ITPK1: variants seen among roughly 807,000 people sequenced by gnomAD.
ITPK1 encodes the protein inositol-tetrakisphosphate 1-kinase, also known as inositol 1,3,4-trisphosphate 5/6-kinase.
In ITPK1, 21 loss-of-function variants were observed where a neutral mutation model predicts 45.3. That is an observed-to-expected ratio of 0.46 (90% confidence interval 0.33 to 0.67). The LOEUF (loss-of-function observed/expected upper bound fraction) is 0.67, where lower values mean the gene tolerates loss of function less well. Ranked by LOEUF, ITPK1 falls within the 30% of genes least tolerant of loss-of-function variation. The probability of loss-of-function intolerance (pLI) is 0.02; values close to 1 mark genes in which losing one functional copy is unlikely to be tolerated. For missense variants in ITPK1, 474 were observed against 573.5 expected (o/e 0.83, Z 1.77); for synonymous variants, 258 against 253.6 (o/e 1.02, Z -0.16).
At chr14:93,001,050 C>T (rs942166392) in intron 4 of ITPK1, among the ~76,000 whole-genome samples, 9 of 150,802 alleles carry the variant, frequency 6.0e-5, no homozygotes, top group Non-Finnish European at 1.0e-4. Flanking sequence ...GAGGCTGACG[C>T]GGGAGTATCA....
At chr14:93,009,961 G>A (rs1034423685) in intron 4 of ITPK1, among the ~76,000 whole-genome samples, 1 of 152,208 alleles carries the variant, frequency 6.6e-6, no homozygotes, top group Non-Finnish European at 1.5e-5. Context: ...CCGGGCCGCA[G>A]TTGTCTCCTC....
intron 9 of ITPK1, among the ~76,000 whole-genome samples, chr14:92,948,465 T>C (rs577386341): frequency 3.9e-5 from 6 of 152,112 alleles, no homozygotes; most frequent in African/African-American, 1.4e-4. Flanking sequence ...GCCTCTGGGG[T>C]AGCTGGGACT....
intron 4 of ITPK1, among the ~76,000 whole-genome samples, chr14:93,015,041 G>A (rs542420857): frequency 9.9e-4 from 151 of 152,354 alleles, no homozygotes; most frequent in African/African-American, 3.3e-3. Flanking sequence ...GGGGCCTTCC[G>A]AAGGAGACGG....
intron 2 of ITPK1, among the ~76,000 whole-genome samples, chr14:93,079,170 T>C (rs1431875481): frequency 6.6e-6 from 1 of 152,040 alleles, no homozygotes; most frequent in Non-Finnish European, 1.5e-5. Context: ...ATGGAACACA[T>C]AAAATAAGAA....
chr14:93,088,682 G>T (rs1270986683), intron 2 of ITPK1, among the ~76,000 whole-genome samples: 1 of 151,848 alleles, frequency 6.6e-6, no homozygotes, highest in Non-Finnish European at 1.5e-5. Context: ...GTAGAGACAG[G>T]GTCTCACTAT....
rs1432950804 is a variant in ITPK1, at chr14:92,941,649, T to G, written c.1157A>C (p.His386Pro). ...ADAGGTAKLP[H>P]QRLGCNAGVS... Reference sequence around the variant, plus strand: ...GCCGGCGTTGCAGCCGAGTCTCTGGTGCGGCAGCTTGGCGGTGCCGCCCGC... The same window carrying G: ...GCCGGCGTTGCAGCCGAGTCTCTGGGGCGGCAGCTTGGCGGTGCCGCCCGC... Residue 386 changes from histidine to proline, a missense_variant, in exon 11 of 11, where the codon CAC (histidine) becomes CCC (proline). By Grantham distance (77) the His-to-Pro change is moderately conservative. Transcript: ENST00000267615. 1.2e-5 allele frequency: 18 copies of G among 1,540,506 alleles called. No individual in the cohort carries two copies. The highest frequency in any genetic ancestry group is 1.5e-5 in the Non-Finnish European group (17 of 1,145,220).
At chr14:93,055,794 GAGAGTACAGGCTCTTGGA>G (rs1890195191) in intron 3 of ITPK1, among the ~76,000 whole-genome samples, 3 of 152,234 alleles carry the variant, frequency 2.0e-5, no homozygotes, top group African/African-American at 7.2e-5. Flanking sequence ...TCCCCGGGCA[GAGAGTACAGGCTCTTGGA>G]AGAAGTCCAG....
intron 2 of ITPK1, among the ~76,000 whole-genome samples, chr14:93,088,224 C>G (rs529295912): frequency 6.6e-6 from 1 of 152,070 alleles, no homozygotes; most frequent in African/African-American, 2.4e-5. Flanking sequence ...CAGGGACAGA[C>G]GAGGCAGTGG....
chr14:93,029,405 G>A (rs760310995), intron 3 of ITPK1, among the ~76,000 whole-genome samples: 3 of 152,046 alleles, frequency 2.0e-5, no homozygotes, highest in Non-Finnish European at 2.9e-5. Context: ...AGAATTCCAC[G>A]ATGTCCCAAG....
chr14:93,078,624 G>T (rs1313171612), intron 2 of ITPK1, among the ~76,000 whole-genome samples: 2 of 152,120 alleles, frequency 1.3e-5, no homozygotes, highest in Non-Finnish European at 2.9e-5. Context: ...GGACAGGGGA[G>T]ATACACAACA....
chr14:92,998,946 G>A (rs780940997), intron 4 of ITPK1: 2 of 152,198 alleles, frequency 1.3e-5, no homozygotes, highest in African/African-American at 4.8e-5. Context: ...ATATAAAAAC[G>A]CTATTGGGTA....
At chr14:93,058,368 G>A (rs1182920249) in intron 3 of ITPK1, among the ~76,000 whole-genome samples, 1 of 141,670 alleles carries the variant, frequency 7.1e-6, no homozygotes, top group Non-Finnish European at 1.5e-5. Flanking sequence ...GGTCCACAGG[G>A]TCATAAGGCA....
At position 92,941,250 on chromosome 14, in the gene ITPK1, C is replaced by T. The variant is rs890162723; in HGVS notation, c.*311G>A. The T allele has an allele frequency of 2.2e-6, 3 of 1,351,788 alleles. No homozygotes were observed. The Admixed American group carries it at 1.0e-4, about 46-fold the overall frequency. The allele number at this position is 1,351,788 out of a possible 1,614,324, so 83.7% of individuals were successfully genotyped here. A position where few individuals can be genotyped will look rare whatever the true frequency, so the allele number is the denominator to read the frequency against. On this transcript the variant is annotated 3_prime_UTR_variant, in exon 11 of 11. Coordinates refer to ENST00000267615, the MANE Select transcript of ITPK1 (RefSeq NM_014216.6). Reference sequence around the variant, plus strand: ...TGTGCACAGACACTGGCATGGCAGCCATACGCACACCCCTCACCTCCCATC... The same window carrying T: ...TGTGCACAGACACTGGCATGGCAGCTATACGCACACCCCTCACCTCCCATC...
At chr14:93,068,068 T>A (rs1377892375) in intron 3 of ITPK1, 1 of 153,242 alleles carries the variant, frequency 6.5e-6, no homozygotes, top group Non-Finnish European at 1.5e-5. Flanking sequence ...AACAGCCCAG[T>A]TTCATCTGTA....
chr14:92,963,878 G>A (rs528079615), intron 5 of ITPK1, among the ~76,000 whole-genome samples: 2 of 152,276 alleles, frequency 1.3e-5, no homozygotes, highest in South Asian at 4.1e-4. Context: ...GTACTTCAGG[G>A]CACAGGGGCC....
chr14:93,009,092 G>A (rs1001006615), intron 4 of ITPK1, among the ~76,000 whole-genome samples: 3 of 152,158 alleles, frequency 2.0e-5, no homozygotes, highest in African/African-American at 7.2e-5. Flanking sequence ...AGGGTGGGGA[G>A]TGCTGTTGGC....
Position 92,940,936 on chromosome 14 carries a change from T to A in ITPK1, c.*625A>T. On this transcript the variant is annotated 3_prime_UTR_variant, in exon 11 of 11. Coordinates refer to ENST00000267615, the MANE Select transcript of ITPK1 (RefSeq NM_014216.6). ...CCCAGCTTCCTTTCCTTCCCTTTAG[T>A]GAGGGAGCACAGCCCAGACCCCAGC... 7.8e-7 allele frequency: 1 copy of A among 1,287,460 alleles called. No individual in the cohort carries two copies. Among genetic ancestry groups the A allele is most frequent in the Non-Finnish European group, 1.0e-6 (1 of 988,674 alleles). 79.8% of individuals were successfully genotyped at this position (1,287,460 alleles called of 1,614,324 possible). A position where few individuals can be genotyped will look rare whatever the true frequency, so the allele number is the denominator to read the frequency against.
chr14:92,947,959 T>C (rs1296761134), intron 9 of ITPK1, among the ~76,000 whole-genome samples: 1 of 152,166 alleles, frequency 6.6e-6, no homozygotes, highest in African/African-American at 2.4e-5. Context: ...CATCCACAGA[T>C]GAACAGCTAC....
At position 93,009,021 on chromosome 14, in the gene ITPK1, G is replaced by C. The variant is rs1342848269; in HGVS notation, c.246+7655C>G. ...CAAAATGCAGTGACGCTCGACCAGGGGTGGCATGGGCTCCCTCCACCAGGG... is the reference window on the plus strand; with the variant it reads ...CAAAATGCAGTGACGCTCGACCAGGCGTGGCATGGGCTCCCTCCACCAGGG... On this transcript the variant is annotated intron_variant, in intron 4 of 10. Coordinates refer to ENST00000267615, the MANE Select transcript of ITPK1 (RefSeq NM_014216.6). Among the ~76,000 whole-genome samples, 22 of 152,202 alleles carry C rather than the reference G, an allele frequency of 1.4e-4. 1 individual carries two copies.
Sources: gnomAD v4.1 joint callset for allele counts (sites outside exome capture counted in the v4.1 genomes callset) on GRCh38, gnomAD v4.1.1 for gene constraint, MANE v1.5 for transcripts, NCBI Gene and HGNC (gene_info 2026-07-23, HGNC 2026-07-21) for gene names.